PRKCG: variants seen among roughly 807,000 people sequenced by gnomAD.
PRKCG encodes protein kinase C gamma.
A neutral mutation model predicts 82.0 loss-of-function variants in PRKCG; 28 were observed. The observed-to-expected ratio is 0.34, with a 90% CI of 0.25 to 0.47. The LOEUF (loss-of-function observed/expected upper bound fraction) is 0.47, where lower values mean the gene tolerates loss of function less well. PRKCG is among the 20% of genes least tolerant of loss of function. The pLI, the probability that PRKCG is intolerant of heterozygous loss-of-function variation, is 1.00. For synonymous variants in PRKCG, 383 were observed against 376.6 expected, an observed-to-expected ratio of 1.02 and a Z score of -0.20; for missense variants, 640 against 952.7, an observed-to-expected ratio of 0.67 and a Z score of 4.32.
intron 3 of PRKCG, among the ~76,000 whole-genome samples, chr19:53,885,228 T>A (rs548296362): frequency 1.2e-4 from 19 of 152,208 alleles, no homozygotes; most frequent in Non-Finnish European, 2.4e-4. Context: ...TAAATTTTTT[T>A]TTTTTATTTT....
chr19:53,899,293 G>C (rs73603624), intron 11 of PRKCG, among the ~76,000 whole-genome samples: 3,528 of 152,256 alleles, frequency 0.023, 133 homozygotes, highest in African/African-American at 0.078. Flanking sequence ...TCCCTGGGGA[G>C]CTTGGTCTTG....
chr19:53,891,545 G>A (rs1345813526), intron 5 of PRKCG, 129 bp from the exon 6 acceptor site: 1 of 1,175,688 alleles, frequency 8.5e-7, no homozygotes, highest in Non-Finnish European at 1.3e-6. Context: ...GCCTCCCAAA[G>A]TGCTGGGATT....
chr19:53,890,673 C>G (rs1020407402), intron 5 of PRKCG, among the ~76,000 whole-genome samples: 3 of 151,174 alleles, frequency 2.0e-5, no homozygotes, highest in Non-Finnish European at 4.4e-5. Context: ...TCTCTGCCTC[C>G]GGGGTTCAAG....
At chr19:53,896,452 C>T (rs2068719052) in intron 9 of PRKCG, among the ~76,000 whole-genome samples, 1 of 151,410 alleles carries the variant, frequency 6.6e-6, no homozygotes, top group Non-Finnish European at 1.5e-5. Flanking sequence ...CACAGTCTCG[C>T]TCTGTCGCCC....
rs149266855 is a variant in PRKCG at position 53,904,716 on chromosome 19, C to T, written c.1738C>T (p.Arg580Trp). ...QTVTYPKSLS[R>W]EAVAICKGFL... ...TGTCACCTACCCCAAGTCGCTTTCC[C>T]GGGAAGCCGTGGCCATCTGCAAGGG... is the stretch of plus-strand genomic sequence containing the variant. Residue 580 changes from arginine (R) to tryptophan (W), a missense_variant, in exon 16 of 18, where the codon CGG becomes TGG. Physicochemically the swap from Arg to Trp is moderately radical, Grantham distance 101 (BLOSUM62 -3). Coordinates refer to ENST00000263431, the MANE Select transcript of PRKCG (RefSeq NM_002739.5). 4.2e-5 allele frequency: 68 copies of T among 1,613,752 alleles called. No homozygotes were observed. The highest frequency in any genetic ancestry group is 2.2e-4 in the Admixed American group (13 of 59,966).
rs2068681450 is a variant in PRKCG, at chr19:53,892,194, CAG to C, written c.687-312_687-311del. 6.6e-6 allele frequency among the ~76,000 whole-genome samples: 1 copy of C among 151,990 alleles called. No homozygotes were observed. The highest frequency in any genetic ancestry group is 2.4e-5 in the African/African-American group (1 of 41,364). The stretch of plus-strand genomic sequence containing the variant: ...AGACAGAGATCAGTTGACAGGAAGA[CAG>C]AGTGATAGAGACCCAGAGAGGAGAG... On this transcript the variant is annotated intron_variant, in intron 6 of 17. Transcript: ENST00000263431. This position sits in a 1 kb window ranked among gnomAD's most constrained non-coding sequence, Gnocchi z 5.9.
chr19:53,893,226 C>A (rs1016937054), intron 8 of PRKCG, 136 bp from the exon 9 acceptor site: 3 of 1,270,278 alleles, frequency 2.4e-6, no homozygotes, highest in Admixed American at 1.8e-5. Context: ...CTAGGGGACT[C>A]GAGCCCCAGG....
In PRKCG at chr19:53,904,514, G is replaced by T. The variant is rs1348906440; in HGVS notation, c.1657-121G>T. The T allele has an allele frequency of 3.9e-6, 3 of 777,070 alleles. No individual in the cohort carries two copies. The African/African-American group carries it at 5.2e-5, about 13-fold the overall frequency. The allele number at this position is 777,070 out of a possible 1,614,324, so 48.1% of individuals were successfully genotyped here. A position where few individuals can be genotyped will look rare whatever the true frequency, so the allele number is the denominator to read the frequency against. On this transcript the variant is annotated intron_variant, in intron 15 of 17. Transcript: ENST00000263431. ...CTGATCTCTCCTGAGGGTGTGGTCA[G>T]GTGTGCATGTGGGGCGTGTGATGGG...
rs1318118581 is a variant in PRKCG at position 53,882,369 on chromosome 19, C to T, written c.-126C>T. The T allele has an allele frequency of 2.1e-6, 3 of 1,395,760 alleles. No individual in the cohort carries two copies. Among genetic ancestry groups the T allele is most frequent in the East Asian group, 5.0e-5 (2 of 40,398 alleles). 86.5% of individuals were successfully genotyped at this position (1,395,760 alleles called of 1,614,324 possible). ...CGCTCCGCACCTGGAGGTGCCTTGC[C>T]CCTCTCCTGCCCACCTCGGAATTTC... On this transcript the variant is annotated 5_prime_UTR_variant, in exon 1 of 18. Transcript: ENST00000263431. The surrounding 1 kb of genome is among the most constrained non-coding windows in gnomAD (Gnocchi z 6.1).
At position 53,893,372 on chromosome 19, in the gene PRKCG, AC is replaced by A; in HGVS notation, c.925del (p.Leu309TrpfsTer49). On this transcript the variant is annotated frameshift_variant, in exon 9 of 18. Transcript: ENST00000263431. LOFTEE classifies it high-confidence loss of function. ...TTTCTTTTCTCCCAGGCTTGTAACTACCCCCTGGAATTGTATGAGGTGAGTA... is the reference window on the plus strand; with the variant it reads ...TTTCTTTTCTCCCAGGCTTGTAACTACCCCTGGAATTGTATGAGGTGAGTA... ...SLLQKFEACN[Y>X]PLELYERVRM... 1 of 1,613,396 alleles carries A rather than the reference AC, an allele frequency of 6.2e-7. No individual in the cohort carries two copies. The highest frequency in any genetic ancestry group is 8.5e-7 in the Non-Finnish European group (1 of 1,179,526).
At chr19:53,902,903 A>C (rs866193840) in intron 14 of PRKCG, among the ~76,000 whole-genome samples, 170 bp from the exon 15 acceptor site, 1 of 151,132 alleles carries the variant, frequency 6.6e-6, no homozygotes, top group Non-Finnish European at 1.5e-5. Context: ...AAAAAAAAAA[A>C]AAAAAAAAAA....
At position 53,900,795 on chromosome 19, in the gene PRKCG, A is replaced by G. The variant is rs1369450262; in HGVS notation, c.1575+46A>G. The G allele has an allele frequency of 6.2e-7, 1 of 1,613,260 alleles. No individual in the cohort carries two copies. Among genetic ancestry groups the G allele is most frequent in the African/African-American group, 1.3e-5 (1 of 74,916 alleles). ...CTGGTCACGCTTTGAGATCCCTTAG[A>G]GGGTGTAGCTGATGGTCCAGTATTC... On this transcript the variant is annotated intron_variant, in intron 14 of 17. Transcript: ENST00000263431. This position sits in a 1 kb window ranked among gnomAD's most constrained non-coding sequence, Gnocchi z 4.2.
intron 14 of PRKCG, among the ~76,000 whole-genome samples, chr19:53,901,047 G>A (rs1474619077): frequency 6.6e-6 from 1 of 152,206 alleles, no homozygotes; most frequent in African/African-American, 2.4e-5. Flanking sequence ...GGATCCTTCT[G>A]AGAAGGGGCA....
chr19:53,894,760 G>A (rs926761940), intron 9 of PRKCG, among the ~76,000 whole-genome samples: 6 of 152,160 alleles, frequency 3.9e-5, no homozygotes, highest in Non-Finnish European at 7.3e-5. Flanking sequence ...ACGCCCAGAC[G>A]AATACCCATT....
At position 53,898,574 on chromosome 19, in the gene PRKCG, T is replaced by G; in HGVS notation, c.1227T>G (p.Gly409=). The change falls in exon 11 of 18, where the codon GGT becomes GGG. Residue 409 remains glycine, a synonymous_variant. Transcript: ENST00000263431. Reference sequence around the variant, plus strand: ...GTGTGCTGGCGCTGGGGGGCCGGGGTCCTGGCGGCCGGCCCCACTTCCTCA... The same window carrying G: ...GTGTGCTGGCGCTGGGGGGCCGGGGGCCTGGCGGCCGGCCCCACTTCCTCA... ...EKRVLALGGR[G]PGGRPHFLTQ... 1 of 1,609,916 alleles carries G rather than the reference T, an allele frequency of 6.2e-7. No individual in the cohort carries two copies. Among genetic ancestry groups the G allele is most frequent in the South Asian group, 1.1e-5 (1 of 90,772 alleles).
chr19:53,889,550 C>A lies in PRKCG; in HGVS notation c.286-88C>A. On this transcript the variant is annotated intron_variant, in intron 3 of 17. Coordinates refer to ENST00000263431, the MANE Select transcript of PRKCG (RefSeq NM_002739.5). The surrounding 1 kb of genome is among the most constrained non-coding windows in gnomAD (Gnocchi z 4.4). ...TGGAGCCTCAGGCTGACCTAGAGAG[C>A]AAGGCAGGAGGAAAAGATAAAAGGG... The A allele has an allele frequency of 1.1e-6, 1 of 952,294 alleles. No homozygotes were observed. Among genetic ancestry groups the A allele is most frequent in the Non-Finnish European group, 1.7e-6 (1 of 595,046 alleles). 59.0% of individuals were successfully genotyped at this position (952,294 alleles called of 1,614,324 possible).
Position 53,884,182 on chromosome 19 carries a change from G to A in PRKCG, c.224G>A (p.Arg75Gln). 3 of 1,614,090 alleles carry A rather than the reference G, an allele frequency of 1.9e-6. No individual in the cohort carries two copies. The highest frequency in any genetic ancestry group is 2.2e-5 in the East Asian group (1 of 44,876). Residue 75 changes from arginine to glutamine, a missense_variant, in exon 3 of 18, where the codon CGA becomes CAA. By Grantham distance (43) the Arg-to-Gln change is conservative. Coordinates refer to ENST00000263431, the MANE Select transcript of PRKCG (RefSeq NM_002739.5). The surrounding 1 kb of genome is among the most constrained non-coding windows in gnomAD (Gnocchi z 4.6). ...ATAGTCTGCAGCTTTGTGGTTCATC[G>A]ACGATGCCACGAATTTGTGACCTTC... ...QCQVCSFVVH[R>Q]RCHEFVTFEC...
In PRKCG at chr19:53,892,387, C is replaced by G; in HGVS notation, c.687-122C>G. On this transcript the variant is annotated intron_variant, in intron 6 of 17. Transcript: ENST00000263431. The surrounding 1 kb of genome is among the most constrained non-coding windows in gnomAD (Gnocchi z 5.9). ...GGCTGGGAAGGTCAGAGGTCGGAGA[C>G]CGACAAAGCAGGAGAGGAGCCCCAG... is the stretch of plus-strand genomic sequence containing the variant. The G allele has an allele frequency of 6.9e-7, 1 of 1,457,420 alleles. No homozygotes were observed. The highest frequency in any genetic ancestry group is 9.2e-7 in the Non-Finnish European group (1 of 1,082,044). The allele number at this position is 1,457,420 out of a possible 1,614,324, so 90.3% of individuals were successfully genotyped here. A position where few individuals can be genotyped will look rare whatever the true frequency, so the allele number is the denominator to read the frequency against.
intron 15 of PRKCG, among the ~76,000 whole-genome samples, chr19:53,903,817 T>A (rs1319605860): frequency 6.6e-6 from 1 of 152,244 alleles, no homozygotes; most frequent in Non-Finnish European, 1.5e-5. Context: ...TAATTGAATC[T>A]AACAACCAAC....
Sources: gnomAD v4.1 joint callset for allele counts (sites outside exome capture counted in the v4.1 genomes callset) on GRCh38, gnomAD v4.1.1 for gene constraint, Gnocchi (gnomAD v3.1) non-coding constraint, MANE v1.5 for transcripts, NCBI Gene and HGNC (gene_info 2026-07-23, HGNC 2026-07-21) for gene names.